PRIMA1: variants seen among roughly 807,000 people sequenced by gnomAD.
PRIMA1 encodes proline-rich membrane anchor 1.
A neutral mutation model predicts 17.5 loss-of-function variants in PRIMA1; 7 were observed. The ratio of observed to expected loss-of-function variants is 0.40; its 90% CI spans 0.23 to 0.75. The LOEUF (loss-of-function observed/expected upper bound fraction) is 0.75. Ranked by LOEUF, PRIMA1 falls within the 30% of genes least tolerant of loss-of-function variation. The probability of loss-of-function intolerance (pLI) is 0.37; values close to 1 mark genes in which losing one functional copy is unlikely to be tolerated. For synonymous variants in PRIMA1, 97 were observed against 77.9 expected, an observed-to-expected ratio of 1.25 and a Z score of -1.29; for missense variants, 200 against 201.8, an observed-to-expected ratio of 0.99 and a Z score of 0.05.
intron 3 of PRIMA1, among the ~76,000 whole-genome samples, chr14:93,739,057 CTTT>C (rs111634756): frequency 1.4e-5 from 2 of 145,212 alleles, no homozygotes; most frequent in Admixed American, 6.9e-5. Flanking sequence ...TTTTTTCTTT[CTTT>C]TTTTTTTTTG....
intron 3 of PRIMA1, among the ~76,000 whole-genome samples, chr14:93,771,755 G>A (rs1885075921): frequency 6.6e-6 from 1 of 152,226 alleles, no homozygotes; most frequent in Non-Finnish European, 1.5e-5. Flanking sequence ...AGATCAGCAT[G>A]AGTCAGGTTC....
intron 3 of PRIMA1, among the ~76,000 whole-genome samples, chr14:93,765,384 A>T (rs1884856877): frequency 6.6e-6 from 1 of 150,554 alleles, no homozygotes; most frequent in African/African-American, 2.5e-5. Flanking sequence ...CAGGGATCGG[A>T]TCAGACACTT....
Position 93,721,187 on chromosome 14 carries a change from G to C in PRIMA1, c.*257C>G. The C allele has an allele frequency of 2.1e-6, 1 of 479,092 alleles. No individual in the cohort carries two copies. Among genetic ancestry groups the C allele is most frequent in the East Asian group, 3.5e-5 (1 of 28,630 alleles). 29.7% of individuals were successfully genotyped at this position (479,092 alleles called of 1,614,324 possible). ...CGACAGACCAGACACCAGACAGGGA[G>C]GAGGATGTGGAGGGCCTGGGGTGGG... On this transcript the variant is annotated 3_prime_UTR_variant, in exon 5 of 5. Coordinates refer to ENST00000393140, the MANE Select transcript of PRIMA1 (RefSeq NM_178013.4).
Position 93,726,653 on chromosome 14 carries a change from CACAT to C in PRIMA1, c.360-5111_360-5108del, listed in dbSNP as rs1443163682. On this transcript the variant is annotated intron_variant, in intron 4 of 4. Transcript: ENST00000393140. The surrounding 1 kb of genome is among the most constrained non-coding windows in gnomAD (Gnocchi z 4.2). ...ATGTACACATGCACAAATCCACACACACATACAATATACACATACACATAGACAC... is the reference window on the plus strand; with the variant it reads ...ATGTACACATGCACAAATCCACACACACAATATACACATACACATAGACAC... 2.6e-5 allele frequency among the ~76,000 whole-genome samples: 4 copies of C among 152,056 alleles called. No homozygotes were observed. The highest frequency in any genetic ancestry group is 5.9e-5 in the Non-Finnish European group (4 of 67,994).
At chr14:93,783,901 C>G (rs1029594517) in intron 2 of PRIMA1, among the ~76,000 whole-genome samples, 1 of 152,170 alleles carries the variant, frequency 6.6e-6, no homozygotes, top group African/African-American at 2.4e-5. Flanking sequence ...TACCACCATC[C>G]TACTCCTGGC....
intron 4 of PRIMA1, among the ~76,000 whole-genome samples, chr14:93,733,279 T>C (rs146270164): frequency 1.8e-4 from 28 of 152,208 alleles, no homozygotes; most frequent in Non-Finnish European, 3.5e-4. Flanking sequence ...GAACACCGTC[T>C]ACCCAGTGCA....
intron 3 of PRIMA1, among the ~76,000 whole-genome samples, chr14:93,747,379 G>A (rs1279276427): frequency 6.6e-6 from 1 of 152,212 alleles, no homozygotes; most frequent in Non-Finnish European, 1.5e-5. Context: ...GGAGTGGAGG[G>A]AGGAAGCCGG....
Position 93,779,194 on chromosome 14 carries a change from T to C in PRIMA1, c.211A>G (p.Arg71Gly). ...PPPPPPPPPP[R>G]LLSAPAPNST... The stretch of plus-strand genomic sequence containing the variant: ...TACTTACCTGGGGCGGAGAGGAGTC[T>C]GGGAGGTGGCGGGGGTGGGGGCGGC... Residue 71 changes from arginine to glycine, a missense_variant, in exon 3 of 5, where the codon AGA becomes GGA. Coordinates refer to ENST00000393140, the MANE Select transcript of PRIMA1 (RefSeq NM_178013.4). 1.4e-6 allele frequency: 1 copy of C among 695,426 alleles called. No homozygotes were observed. Among genetic ancestry groups the C allele is most frequent in the Non-Finnish European group, 1.7e-6 (1 of 589,112 alleles). 43.1% of individuals were successfully genotyped at this position (695,426 alleles called of 1,614,324 possible).
At chr14:93,750,100 A>G (rs757083256) in intron 3 of PRIMA1, among the ~76,000 whole-genome samples, 5 of 152,118 alleles carry the variant, frequency 3.3e-5, no homozygotes, top group Non-Finnish European at 7.4e-5. Context: ...GAGAAACAGA[A>G]TCGCTTGAGC....
At chr14:93,746,866 G>A (rs1178365774) in intron 3 of PRIMA1, among the ~76,000 whole-genome samples, 1 of 152,136 alleles carries the variant, frequency 6.6e-6, no homozygotes, top group Admixed American at 6.5e-5. Context: ...TGAGGGTTTG[G>A]GGCTGTGCTT....
Position 93,723,687 on chromosome 14 carries a change from C to T in PRIMA1, c.360-2141G>A, listed in dbSNP as rs55964539. Among the ~76,000 whole-genome samples the T allele has an allele frequency of 4.1e-3, 631 of 152,264 alleles. 5 individuals carry two copies. The highest frequency in any genetic ancestry group is 0.015 in the African/African-American group (610 of 41,536). On this transcript the variant is annotated intron_variant, in intron 4 of 4. Coordinates refer to ENST00000393140, the MANE Select transcript of PRIMA1 (RefSeq NM_178013.4). Reference sequence around the variant, plus strand: ...AGTGCATCATGCTTTGTGCAAAGCACTCTCCGTCACAGAGATTTCCTTGTC... The same window carrying T: ...AGTGCATCATGCTTTGTGCAAAGCATTCTCCGTCACAGAGATTTCCTTGTC...
intron 4 of PRIMA1, among the ~76,000 whole-genome samples, chr14:93,722,680 GTGATGA>G (rs2076048333): frequency 6.6e-5 from 10 of 152,092 alleles, no homozygotes; most frequent in South Asian, 4.2e-4. Flanking sequence ...TGATGATGGG[GTGATGA>G]TGGTAATGAT....
intron 3 of PRIMA1, among the ~76,000 whole-genome samples, chr14:93,767,579 C>T (rs374877268): frequency 2.6e-5 from 4 of 152,326 alleles, no homozygotes; most frequent in East Asian, 1.9e-4. Context: ...TGCTGGGAAT[C>T]GCAGAACAAT....
intron 2 of PRIMA1, among the ~76,000 whole-genome samples, chr14:93,787,406 C>T (rs538354645): frequency 5.9e-5 from 9 of 152,322 alleles, no homozygotes; most frequent in African/African-American, 2.2e-4. Context: ...AAGGCCAGCC[C>T]GGTCCTGCAG....
chr14:93,787,033 A>T (rs984717659), intron 2 of PRIMA1, among the ~76,000 whole-genome samples: 3 of 151,850 alleles, frequency 2.0e-5, no homozygotes, highest in Admixed American at 1.3e-4. Context: ...GGGGGGGACT[A>T]GGGACCACCC....
chr14:93,771,450 C>G (rs537566415), intron 3 of PRIMA1, among the ~76,000 whole-genome samples: 1 of 152,140 alleles, frequency 6.6e-6, no homozygotes, highest in Non-Finnish European at 1.5e-5. Context: ...TTAGAGTGAA[C>G]AGCTCCATCT....
intron 3 of PRIMA1, among the ~76,000 whole-genome samples, chr14:93,739,528 T>A (rs969432486): frequency 6.6e-6 from 1 of 152,210 alleles, no homozygotes; most frequent in Non-Finnish European, 1.5e-5. Context: ...GTGTGTATGA[T>A]AAACTTTAGA....
intron 2 of PRIMA1, among the ~76,000 whole-genome samples, chr14:93,782,275 A>ATACATAC (rs1555418913): frequency 6.2e-5 from 9 of 144,434 alleles, no homozygotes; most frequent in East Asian, 2.0e-4. Context: ...CTCAAAAATA[A>ATACATAC]ATAAATAAAT....
chr14:93,783,722 T>TG (rs1885445080), intron 2 of PRIMA1, among the ~76,000 whole-genome samples: 1 of 152,218 alleles, frequency 6.6e-6, no homozygotes, highest in Admixed American at 6.5e-5. Flanking sequence ...GGCCCTATTC[T>TG]GCAGCCAGAA....
Sources: gnomAD v4.1 joint callset for allele counts (sites outside exome capture counted in the v4.1 genomes callset) on GRCh38, gnomAD v4.1.1 for gene constraint, Gnocchi (gnomAD v3.1) non-coding constraint, MANE v1.5 for transcripts, NCBI Gene and HGNC (gene_info 2026-07-23, HGNC 2026-07-21) for gene names.